HYCC2: variants seen among roughly 807,000 people sequenced by gnomAD.
HYCC2 encodes the protein hyccin PI4KA lipid kinase complex subunit 2.
chr2:201,026,326 G>C, the HYCC2 span, among the ~76,000 whole-genome samples: 1 of 152,076 alleles, frequency 6.6e-6, no homozygotes, highest in Non-Finnish European at 1.5e-5. Context: ...AGTCCTTAGA[G>C]GCCTACAAAG....
chr2:201,031,341 A>G, the HYCC2 span, among the ~76,000 whole-genome samples: 4 of 152,126 alleles, frequency 2.6e-5, no homozygotes, highest in Non-Finnish European at 5.9e-5. Flanking sequence ...AAAAGAAATC[A>G]CAATATATAT....
chr2:200,987,677 G>T, the HYCC2 span: 1 of 484,004 alleles, frequency 2.1e-6, no homozygotes, highest in African/African-American at 2.1e-5. Flanking sequence ...TGTGCATGCT[G>T]TGCACACACA....
chr2:200,979,281 A>G, the HYCC2 span: 2 of 152,358 alleles, frequency 1.3e-5, no homozygotes, highest in Admixed American at 6.6e-5. Flanking sequence ...ACACACACAC[A>G]CACACACACA....
At chr2:201,011,964 T>C in the HYCC2 span, among the ~76,000 whole-genome samples, 1 of 152,208 alleles carries the variant, frequency 6.6e-6, no homozygotes, top group Non-Finnish European at 1.5e-5. Context: ...AAATGAACAT[T>C]ATATATTTAT....
At chr2:200,974,972 C>T in the HYCC2 span, 1 of 151,794 alleles carries the variant, frequency 6.6e-6, no homozygotes, top group Non-Finnish European at 1.5e-5. Context: ...CATAATGCCC[C>T]CCTAAATTTT....
At chr2:200,987,584 C>T in the HYCC2 span, 3 of 1,259,360 alleles carry the variant, frequency 2.4e-6, no homozygotes, top group Non-Finnish European at 3.1e-6. Context: ...CTATTATTTT[C>T]TGAGCATTTT....
chr2:200,988,145 C>CA, the HYCC2 span: 68 of 756,078 alleles, frequency 9.0e-5, no homozygotes, highest in Admixed American at 5.5e-4. Flanking sequence ...ATATTTTTAA[C>CA]AAAAAAAATT....
At chr2:200,981,508 G>A in the HYCC2 span, 2 of 1,614,210 alleles carry the variant, frequency 1.2e-6, no homozygotes, top group Non-Finnish European at 1.7e-6. This position sits in a 1 kb window ranked among gnomAD's most constrained non-coding sequence, Gnocchi z 4.5. Context: ...TTTACTTGAG[G>A]AAGCACTGGC....
the HYCC2 span, chr2:201,023,067 G>A: frequency 2.0e-3 from 1,225 of 602,078 alleles, 14 homozygotes; most frequent in Non-Finnish European, 3.9e-4. Context: ...TAAAGAAATA[G>A]GCTGGGCACA....
At chr2:200,985,911 C>A in the HYCC2 span, among the ~76,000 whole-genome samples, 32 of 152,302 alleles carry the variant, frequency 2.1e-4, no homozygotes, top group African/African-American at 7.7e-4. Context: ...CCCACACTTT[C>A]TGGAATTTCA....
At chr2:200,991,374 C>A in the HYCC2 span, among the ~76,000 whole-genome samples, 65 of 152,178 alleles carry the variant, frequency 4.3e-4, 1 homozygote, top group African/African-American at 1.5e-3. Flanking sequence ...TCGAGACCAT[C>A]CTGGCTAATA....
chr2:200,997,808 TGGGTGGATCACAA>T, the HYCC2 span, among the ~76,000 whole-genome samples: 24 of 152,054 alleles, frequency 1.6e-4, no homozygotes, highest in African/African-American at 5.8e-4. Context: ...GAGGCCGAAG[TGGGTGGATCACAA>T]GGTCAGAAGA....
the HYCC2 span, among the ~76,000 whole-genome samples, chr2:200,999,624 A>C: frequency 6.7e-6 from 1 of 150,342 alleles, no homozygotes; most frequent in Non-Finnish European, 1.5e-5. Flanking sequence ...TCCTGACCTC[A>C]GGTGATCTGC....
chr2:201,017,372 T>C, the HYCC2 span, among the ~76,000 whole-genome samples: 1 of 152,214 alleles, frequency 6.6e-6, no homozygotes, highest in Non-Finnish European at 1.5e-5. Context: ...AAGTATTTTG[T>C]GCCCATACAT....
chr2:201,019,273 A>G, the HYCC2 span, among the ~76,000 whole-genome samples: 20 of 152,100 alleles, frequency 1.3e-4, no homozygotes, highest in African/African-American at 4.8e-4. Flanking sequence ...TTCTATGAAG[A>G]CCTTAAACTC....
At chr2:201,032,478 G>A in the HYCC2 span, among the ~76,000 whole-genome samples, 1 of 151,996 alleles carries the variant, frequency 6.6e-6, no homozygotes, top group African/African-American at 2.4e-5. Flanking sequence ...TTATCCCACA[G>A]AGAAGCACAG....
the HYCC2 span, among the ~76,000 whole-genome samples, chr2:201,068,244 G>A: frequency 0.031 from 4,686 of 151,626 alleles, 261 homozygotes; most frequent in African/African-American, 0.11. Flanking sequence ...CCCAGATCGC[G>A]CCACTGCACT....
chr2:201,024,696 G>A, the HYCC2 span, among the ~76,000 whole-genome samples: 5 of 152,028 alleles, frequency 3.3e-5, no homozygotes, highest in African/African-American at 1.2e-4. Flanking sequence ...AATGAACCAA[G>A]AGAGTATAAA....
At chr2:201,022,966 A>T in the HYCC2 span, 3 of 1,400,412 alleles carry the variant, frequency 2.1e-6, no homozygotes. Flanking sequence ...ACAAAAGTGA[A>T]CATTTGAGAA....
Sources: gnomAD v4.1 joint callset for allele counts (sites outside exome capture counted in the v4.1 genomes callset) on GRCh38, gnomAD v4.1.1 for gene constraint, Gnocchi (gnomAD v3.1) non-coding constraint, MANE v1.5 for transcripts, NCBI Gene and HGNC (gene_info 2026-07-23, HGNC 2026-07-21) for gene names.